Variants in LRRC40 observed in about 807,000 individuals in gnomAD.
The protein encoded by LRRC40 is leucine-rich repeat-containing protein 40.
In LRRC40, 76 loss-of-function variants were observed where a neutral mutation model predicts 72.8. The ratio of observed to expected loss-of-function variants is 1.04; its 90% CI spans 0.87 to 1.26. LRRC40 has a LOEUF of 1.26. LRRC40 is among the 50% of genes most tolerant of loss of function. The pLI is 0.00. For synonymous variants in LRRC40, 243 were observed against 254.2 expected (o/e 0.96, Z 0.42); for missense variants, 684 against 698.9 (o/e 0.98, Z 0.24).
rs554947214 is a variant in LRRC40, at chr1:70,195,554, G to A, written c.152-6281C>T. ...TTTAAAAGACTGAATACAAAGTGCT[G>A]GTAATGAGGTGGAGGAACTGAATCT... On this transcript the variant is annotated intron_variant, in intron 1 of 14. Coordinates refer to ENST00000370952, the MANE Select transcript of LRRC40 (RefSeq NM_017768.5). Among the ~76,000 whole-genome samples, 51 of 152,298 alleles carry A rather than the reference G, an allele frequency of 3.3e-4. No individual in the cohort carries two copies. In the South Asian group the frequency reaches 0.011, roughly 32 times the overall value.
In LRRC40 at chr1:70,181,312, A is replaced by T. The variant is rs895573789; in HGVS notation, c.538-103T>A. Reference sequence around the variant, plus strand: ...ATTTTTGAAGGAATTACAACATAAAAGAGACTACTTAAGATGTGATAAGTT... The same window carrying T: ...ATTTTTGAAGGAATTACAACATAAATGAGACTACTTAAGATGTGATAAGTT... On this transcript the variant is annotated intron_variant, in intron 4 of 14. Coordinates refer to ENST00000370952, the MANE Select transcript of LRRC40 (RefSeq NM_017768.5). The T allele has an allele frequency of 1.1e-5, 7 of 623,030 alleles. No homozygotes were observed. In the African/African-American group the frequency reaches 1.3e-4, roughly 12 times the overall value. The allele number at this position is 623,030 out of a possible 1,614,324, so 38.6% of individuals were successfully genotyped here.
At chr1:70,187,938 G>GA (rs1668404650) in intron 2 of LRRC40, among the ~76,000 whole-genome samples, 1 of 148,774 alleles carries the variant, frequency 6.7e-6, no homozygotes, top group South Asian at 2.2e-4. Context: ...ATTATACTAA[G>GA]AAAAATTTCA....
In LRRC40 at chr1:70,190,012, T is replaced by G. The variant is rs115668127; in HGVS notation, c.152-739A>C. Among the ~76,000 whole-genome samples, 435 of 152,354 alleles carry G rather than the reference T, an allele frequency of 2.9e-3. 2 individuals are homozygous for G. Among genetic ancestry groups the G allele is most frequent in the African/African-American group, 9.7e-3 (403 of 41,592 alleles). On this transcript the variant is annotated intron_variant, in intron 1 of 14. Transcript: ENST00000370952. ...GGCACCATACAACACTGTGTTATGC[T>G]ATTGCAGCAAGTGATGACACCTGTA... is the stretch of plus-strand genomic sequence containing the variant.
intron 1 of LRRC40, among the ~76,000 whole-genome samples, chr1:70,192,467 C>CA (rs1668522537): frequency 6.6e-6 from 1 of 152,026 alleles, no homozygotes; most frequent in African/African-American, 2.4e-5. Context: ...TCATTGGGTA[C>CA]ATACCCAAAA....
At chr1:70,171,850 T>C (rs930581800) in intron 9 of LRRC40, among the ~76,000 whole-genome samples, 1 of 152,120 alleles carries the variant, frequency 6.6e-6, no homozygotes, top group Non-Finnish European at 1.5e-5. Flanking sequence ...CCTAGGTATA[T>C]ACACCCAAGA....
At chr1:70,183,475 T>C (rs949492366) in intron 4 of LRRC40, among the ~76,000 whole-genome samples, 5 of 152,172 alleles carry the variant, frequency 3.3e-5, no homozygotes, top group Non-Finnish European at 5.9e-5. Flanking sequence ...ATTTTGTTAC[T>C]TGTTAGTTGT....
intron 1 of LRRC40, among the ~76,000 whole-genome samples, chr1:70,192,771 T>C (rs1359387158): frequency 6.6e-6 from 1 of 151,992 alleles, no homozygotes; most frequent in Non-Finnish European, 1.5e-5. Context: ...TGAGAACTCA[T>C]GAACACAAAG....
intron 4 of LRRC40, among the ~76,000 whole-genome samples, chr1:70,183,655 A>T (rs1405775104): frequency 2.6e-5 from 4 of 151,852 alleles, no homozygotes; most frequent in Non-Finnish European, 5.9e-5. Flanking sequence ...TGACTCAGGC[A>T]ACTTCCCTGC....
At chr1:70,194,168 CAG>C (rs1446448170) in intron 1 of LRRC40, among the ~76,000 whole-genome samples, 1 of 152,010 alleles carries the variant, frequency 6.6e-6, no homozygotes, top group African/African-American at 2.4e-5. Context: ...TCCCAATTAA[CAG>C]ACACTATGAT....
chr1:70,181,168 A>C lies in LRRC40; in HGVS notation c.579T>G (p.Phe193Leu). The C allele has an allele frequency of 6.3e-7, 1 of 1,595,832 alleles. No individual in the cohort carries two copies. Among genetic ancestry groups the C allele is most frequent in the South Asian group, 1.2e-5 (1 of 86,874 alleles). The change falls in exon 5 of 15, where the codon TTT (phenylalanine) becomes TTG (leucine). Residue 193 changes from phenylalanine to leucine, a missense_variant. Transcript: ENST00000370952. The stretch of plus-strand genomic sequence containing the variant: ...GTCGCACCAGACTGGACAGAGAAGA[A>C]AAACTAGCAGGAACAGTTGTAAGAT... ...NNHLTTVPAS[F>L]SSLSSLVRLN...
chr1:70,183,765 G>A (rs1234301370), intron 4 of LRRC40, among the ~76,000 whole-genome samples: 1 of 151,918 alleles, frequency 6.6e-6, no homozygotes, highest in Non-Finnish European at 1.5e-5. Context: ...TGTTTTCCAG[G>A]CTGGTCTCGA....
At chr1:70,190,807 T>C (rs1267970783) in intron 1 of LRRC40, among the ~76,000 whole-genome samples, 7 of 151,946 alleles carry the variant, frequency 4.6e-5, no homozygotes, top group African/African-American at 1.7e-4. Flanking sequence ...GCTTCTCTAC[T>C]CTTCTACCAC....
intron 7 of LRRC40, 68 bp from the exon 8 acceptor site, chr1:70,173,777 T>C: frequency 2.7e-6 from 2 of 731,742 alleles, no homozygotes; most frequent in South Asian, 2.0e-5. Flanking sequence ...TAGTTAACTA[T>C]AAAACATCAT....
intron 1 of LRRC40, among the ~76,000 whole-genome samples, chr1:70,199,976 G>A (rs1668701225): frequency 6.6e-6 from 1 of 152,012 alleles, no homozygotes; most frequent in African/African-American, 2.4e-5. Context: ...CTTTATCACT[G>A]TACTGGACTG....
chr1:70,151,646 A>G (rs1247397090), intron 12 of LRRC40: 1 of 152,832 alleles, frequency 6.5e-6, no homozygotes, highest in African/African-American at 2.4e-5. Context: ...AAAAGATTCT[A>G]TTAAGAGATT....
intron 1 of LRRC40, among the ~76,000 whole-genome samples, chr1:70,194,377 C>T (rs975357725): frequency 3.9e-5 from 6 of 151,914 alleles, no homozygotes; most frequent in Non-Finnish European, 8.8e-5. Flanking sequence ...ATTAAATGTA[C>T]AAAATATGTA....
intron 5 of LRRC40, 149 bp downstream of exon 5, chr1:70,180,937 G>C (rs895974283): frequency 2.0e-6 from 1 of 511,044 alleles, no homozygotes; most frequent in Non-Finnish European, 3.3e-6. Flanking sequence ...ATAATGGTCT[G>C]GAGAAAATCT....
At chr1:70,170,220 A>C (rs1032155747) in intron 9 of LRRC40, among the ~76,000 whole-genome samples, 13 of 152,152 alleles carry the variant, frequency 8.5e-5, no homozygotes, top group Non-Finnish European at 1.0e-4. Flanking sequence ...GGACAAACAC[A>C]CTCAAAAACC....
chr1:70,152,419 G>C lies in LRRC40; in HGVS notation c.1439+14C>G, dbSNP rs779109244. 1 of 1,255,178 alleles carries C rather than the reference G, an allele frequency of 8.0e-7. No homozygotes were observed. Among genetic ancestry groups the C allele is most frequent in the African/African-American group, 1.5e-5 (1 of 67,108 alleles). The allele number at this position is 1,255,178 out of a possible 1,614,324, so 77.8% of individuals were successfully genotyped here. On this transcript the variant is annotated intron_variant, in intron 12 of 14. Coordinates refer to ENST00000370952, the MANE Select transcript of LRRC40 (RefSeq NM_017768.5). Reference sequence around the variant, plus strand: ...TAACTTTTTAAAAAGTCAAGCAATAGTATCAATAAATACCTGAGATCTAAA... The same window carrying C: ...TAACTTTTTAAAAAGTCAAGCAATACTATCAATAAATACCTGAGATCTAAA...
Sources: allele counts gnomAD v4.1 joint callset (sites outside exome capture counted in the v4.1 genomes callset), GRCh38; gene constraint gnomAD v4.1.1; transcripts MANE v1.5; gene names NCBI Gene and HGNC (gene_info 2026-07-23, HGNC 2026-07-21).